The following ERLEC1 variants were observed in gnomAD, a reference collection of about 807,000 sequenced individuals.
The protein encoded by ERLEC1 is ER lectin.
ERLEC1 carries 47 observed loss-of-function variants against 68.0 expected under a neutral mutation model. The ratio of observed to expected loss-of-function variants is 0.69; its 90% CI spans 0.55 to 0.88. The LOEUF (loss-of-function observed/expected upper bound fraction) is 0.88, where lower values mean the gene tolerates loss of function less well. Ranked by LOEUF, ERLEC1 falls within the 40% of genes least tolerant of loss-of-function variation. ERLEC1 has a pLI of 0.00. For synonymous variants in ERLEC1, 225 were observed against 203.2 expected (o/e 1.11, Z -0.91); for missense variants, 567 against 583.8 (o/e 0.97, Z 0.30).
rs1160756772 is a variant in ERLEC1 at position 53,799,035 on chromosome 2, A to G, written c.491-12A>G. On this transcript the variant is annotated splice_polypyrimidine_tract_variant and intron_variant, in intron 5 of 13. Transcript: ENST00000185150. ...ACTGCTCATTCTTTACACTTACCTTATTATTCCACAGAACGAGAAGCAGAA... is the reference window on the plus strand; with the variant it reads ...ACTGCTCATTCTTTACACTTACCTTGTTATTCCACAGAACGAGAAGCAGAA... 1 of 1,612,078 alleles carries G rather than the reference A, an allele frequency of 6.2e-7. No homozygotes were observed. Among genetic ancestry groups the G allele is most frequent in the East Asian group, 2.2e-5 (1 of 44,722 alleles).
At chr2:53,812,446 T>C (rs952994024) in intron 10 of ERLEC1, among the ~76,000 whole-genome samples, 1 of 152,124 alleles carries the variant, frequency 6.6e-6, no homozygotes, top group Non-Finnish European at 1.5e-5. Flanking sequence ...GAAATAAGTA[T>C]GGTACCAAAT....
chr2:53,789,558 GC>G (rs1170427642), intron 1 of ERLEC1, among the ~76,000 whole-genome samples: 1 of 152,076 alleles, frequency 6.6e-6, no homozygotes, highest in East Asian at 1.9e-4. Flanking sequence ...ATTGCATCTG[GC>G]TTTTTTTTCT....
chr2:53,800,223 G>A (rs1309962872), intron 6 of ERLEC1, among the ~76,000 whole-genome samples: 3 of 152,056 alleles, frequency 2.0e-5, no homozygotes, highest in Admixed American at 6.5e-5. Context: ...AGAAAACCAA[G>A]TTCGCAGTAC....
chr2:53,818,275 T>C lies in ERLEC1; in HGVS notation c.*306T>C, dbSNP rs1327943122. On this transcript the variant is annotated 3_prime_UTR_variant, in exon 14 of 14. Coordinates refer to ENST00000185150, the MANE Select transcript of ERLEC1 (RefSeq NM_015701.5). The stretch of plus-strand genomic sequence containing the variant: ...AGTTAGAGTCCAGCCTAATCAAATG[T>C]CATAATTGTTGTACCTATTGAAAGT... 1.4e-5 allele frequency: 3 copies of C among 209,330 alleles called. No individual in the cohort carries two copies. The highest frequency in any genetic ancestry group is 2.9e-5 in the Non-Finnish European group (3 of 103,520). The allele number at this position is 209,330 out of a possible 1,614,324, so 13.0% of individuals were successfully genotyped here.
Position 53,794,401 on chromosome 2 carries a change from TAAAG to T in ERLEC1, c.223_226del (p.Glu75AsnfsTer9). On this transcript the variant is annotated frameshift_variant, in exon 2 of 14. Transcript: ENST00000185150. LOFTEE classifies it high-confidence loss of function. ...ATTATGTCATCATGACAACTGCACATAAAGAAAAATATAAATGCATACTTCCCCT... is the reference window on the plus strand; with the variant it reads ...ATTATGTCATCATGACAACTGCACATAAAAATATAAATGCATACTTCCCCT... The T allele has an allele frequency of 6.3e-7, 1 of 1,589,956 alleles. No homozygotes were observed. Among genetic ancestry groups the T allele is most frequent in the Non-Finnish European group, 8.6e-7 (1 of 1,166,368 alleles).
intron 1 of ERLEC1, among the ~76,000 whole-genome samples, chr2:53,793,128 G>A (rs1293918542): frequency 1.3e-5 from 2 of 152,200 alleles, no homozygotes; most frequent in East Asian, 1.9e-4. Flanking sequence ...AGAGGAAAGT[G>A]AAGAGAGAAT....
intron 6 of ERLEC1, among the ~76,000 whole-genome samples, chr2:53,801,179 T>C (rs973185473): frequency 3.3e-5 from 5 of 152,350 alleles, no homozygotes; most frequent in African/African-American, 1.2e-4. Flanking sequence ...AATAATCTTT[T>C]TGCTGTATTA....
In ERLEC1 at chr2:53,787,338, TC is replaced by T; in HGVS notation, c.130del (p.Arg44GlufsTer26). 1 of 1,611,980 alleles carries T rather than the reference TC, an allele frequency of 6.2e-7. No individual in the cohort carries two copies. The highest frequency in any genetic ancestry group is 8.5e-7 in the Non-Finnish European group (1 of 1,179,860). ...CCTCAACTCAGCGATGACATCCCTT[TC>T]CGAGTCAACTGGCCCGGCACCGAGT... ...ALPQLSDDIP[F>X]RVNWPGTEFS... On this transcript the variant is annotated frameshift_variant, in exon 1 of 14. Coordinates refer to ENST00000185150, the MANE Select transcript of ERLEC1 (RefSeq NM_015701.5). LOFTEE classifies it high-confidence loss of function.
chr2:53,791,406 A>G (rs541511058), intron 1 of ERLEC1, among the ~76,000 whole-genome samples: 1 of 152,344 alleles, frequency 6.6e-6, no homozygotes, highest in Admixed American at 6.5e-5. Flanking sequence ...AATTCTGTAC[A>G]TTCAGAATTT....
At chr2:53,790,397 C>A (rs932035132) in intron 1 of ERLEC1, among the ~76,000 whole-genome samples, 1 of 151,862 alleles carries the variant, frequency 6.6e-6, no homozygotes, top group African/African-American at 2.4e-5. Context: ...CGTGCCTGGC[C>A]GCGGGTTGGA....
intron 5 of ERLEC1, among the ~76,000 whole-genome samples, chr2:53,798,234 C>T (rs1675823021): frequency 6.6e-6 from 1 of 152,000 alleles, no homozygotes; most frequent in South Asian, 2.1e-4. Flanking sequence ...CTGAACTGTC[C>T]CTTACAAAAC....
intron 1 of ERLEC1, among the ~76,000 whole-genome samples, chr2:53,792,613 A>T (rs1675470416): frequency 6.6e-6 from 1 of 152,198 alleles, no homozygotes; most frequent in African/African-American, 2.4e-5. Context: ...GAACTAATAC[A>T]GCTAGTACTT....
At chr2:53,796,107 C>T (rs1050463473) in intron 3 of ERLEC1, 94 bp downstream of exon 3, 2 of 864,742 alleles carry the variant, frequency 2.3e-6, no homozygotes, top group Non-Finnish European at 3.4e-6. Flanking sequence ...TATGTTGTGT[C>T]AGGTTTTTTT....
rs777271531 is a variant in ERLEC1, at chr2:53,818,002, T to C, written c.*33T>C. 3.9e-6 allele frequency: 5 copies of C among 1,285,456 alleles called. No homozygotes were observed. The highest frequency in any genetic ancestry group is 1.5e-5 in the African/African-American group (1 of 68,646). The allele number at this position is 1,285,456 out of a possible 1,614,324, so 79.6% of individuals were successfully genotyped here. A position where few individuals can be genotyped will look rare whatever the true frequency, so the allele number is the denominator to read the frequency against. Reference sequence around the variant, plus strand: ...TAAAGTTAGGGGAAAGAAAAGATCATTGAAAGTCATGATAATTTCTGTCCC... The same window carrying C: ...TAAAGTTAGGGGAAAGAAAAGATCACTGAAAGTCATGATAATTTCTGTCCC... On this transcript the variant is annotated 3_prime_UTR_variant, in exon 14 of 14. Coordinates refer to ENST00000185150, the MANE Select transcript of ERLEC1 (RefSeq NM_015701.5).
At chr2:53,804,789 C>A (rs1379147556) in intron 8 of ERLEC1, among the ~76,000 whole-genome samples, 1 of 152,026 alleles carries the variant, frequency 6.6e-6, no homozygotes, top group African/African-American at 2.4e-5. Context: ...ACCATCCCCA[C>A]CTCCTTCACA....
intron 9 of ERLEC1, among the ~76,000 whole-genome samples, chr2:53,808,925 G>A (rs959073153): frequency 3.3e-5 from 5 of 152,102 alleles, no homozygotes; most frequent in African/African-American, 7.2e-5. Context: ...CACCGCACCT[G>A]GCCAACATCT....
At chr2:53,805,831 A>G (rs969968177) in intron 8 of ERLEC1, among the ~76,000 whole-genome samples, 1 of 152,212 alleles carries the variant, frequency 6.6e-6, no homozygotes, top group Admixed American at 6.5e-5. Context: ...CTTTTGGATA[A>G]AAGCCGTTTT....
At chr2:53,793,352 A>G (rs1675512484) in intron 1 of ERLEC1, among the ~76,000 whole-genome samples, 1 of 152,220 alleles carries the variant, frequency 6.6e-6, no homozygotes, top group South Asian at 2.1e-4. Flanking sequence ...AATTTTGTCA[A>G]TATATGCCAG....
At position 53,797,547 on chromosome 2, in the gene ERLEC1, T is replaced by C. The variant is rs1184975542; in HGVS notation, c.381T>C (p.His127=). The C allele has an allele frequency of 1.2e-6, 2 of 1,612,832 alleles. No individual in the cohort carries two copies. The highest frequency in any genetic ancestry group is 8.5e-7 in the Non-Finnish European group (1 of 1,179,686). ...CTTATTGGACTTACGAAGTATGTCA[T>C]GGAAAACACATTCGGCAGTACCATG... The part of the protein sequence containing the change: ...IESYWTYEVC[H]GKHIRQYHEE... Residue 127 remains histidine, a synonymous_variant, in exon 4 of 14, where the codon CAT becomes CAC. Coordinates refer to ENST00000185150, the MANE Select transcript of ERLEC1 (RefSeq NM_015701.5).
Sources: gnomAD v4.1 joint callset for allele counts (sites outside exome capture counted in the v4.1 genomes callset) on GRCh38, gnomAD v4.1.1 for gene constraint, MANE v1.5 for transcripts, NCBI Gene and HGNC (gene_info 2026-07-23, HGNC 2026-07-21) for gene names.